The following ZNF562 variants were observed in gnomAD, a reference collection of about 807,000 sequenced individuals.
ZNF562 encodes the protein zinc finger protein 562.
In ZNF562, 13 loss-of-function variants were observed where a neutral mutation model predicts 17.5. The observed-to-expected ratio is 0.74, with a 90% CI of 0.48 to 1.18. The LOEUF (loss-of-function observed/expected upper bound fraction) is 1.18. Among genes scored for constraint, ZNF562 ranks in the 50% most tolerant of loss-of-function variants. The probability of loss-of-function intolerance (pLI) is 0.00; values close to 1 mark genes in which losing one functional copy is unlikely to be tolerated. For missense variants in ZNF562, 481 were observed against 498.5 expected (o/e 0.96, Z 0.33); for synonymous variants, 163 against 165.4 (o/e 0.99, Z 0.11).
intron 1 of ZNF562, among the ~76,000 whole-genome samples, chr19:9,667,606 C>G (rs572670796): frequency 6.6e-6 from 1 of 152,224 alleles, no homozygotes; most frequent in East Asian, 1.9e-4. Flanking sequence ...ACCTTTTTCT[C>G]CTTAGAAACA....
chr19:9,653,712 TG>T lies in ZNF562; in HGVS notation c.517del (p.Gln173LysfsTer15), dbSNP rs1318084369. 5.6e-6 allele frequency: 9 copies of T among 1,614,110 alleles called. No homozygotes were observed. Among genetic ancestry groups the T allele is most frequent in the Non-Finnish European group, 7.6e-6 (9 of 1,179,958 alleles). On this transcript the variant is annotated frameshift_variant, in exon 6 of 6. Transcript: ENST00000453372. LOFTEE classifies it low-confidence loss of function (END_TRUNC). Reference protein sequence around the residue: ...ISVHKEASIGQELSKFNPCGK... With the variant: ...ISVHKEASIGXELSKFNPCGK... The stretch of plus-strand genomic sequence containing the variant: ...ACATGGATTAAATTTGGAAAGTTCT[TG>T]TCCAATAGAGGCTTCCTTGTGCACA...
intron 5 of ZNF562, 111 bp from the exon 6 acceptor site, chr19:9,653,992 A>C: frequency 9.9e-7 from 1 of 1,007,110 alleles, no homozygotes; most frequent in Non-Finnish European, 1.3e-6. Context: ...TTAATGTTTA[A>C]TTTTTTTTTT....
chr19:9,653,673 G>A lies in ZNF562; in HGVS notation c.557C>T (p.Thr186Ile), dbSNP rs1209258497. 7.4e-6 allele frequency: 12 copies of A among 1,613,966 alleles called. No homozygotes were observed. Among genetic ancestry groups the A allele is most frequent in the African/African-American group, 1.3e-5 (1 of 74,946 alleles). The change falls in exon 6 of 6, where the codon ACC (threonine) becomes ATC (isoleucine). Residue 186 changes from threonine to isoleucine, a missense_variant. By Grantham distance (89) the Thr-to-Ile change is moderately conservative. Transcript: ENST00000453372. ...ATGCACAGCAAGGCCTGGAGTTAAGGTGAAGACTTTTCCACATGGATTAAA... is the reference window on the plus strand; with the variant it reads ...ATGCACAGCAAGGCCTGGAGTTAAGATGAAGACTTTTCCACATGGATTAAA... ...SKFNPCGKVF[T>I]LTPGLAVHLE... is the part of the protein sequence containing the mutation.
intron 2 of ZNF562, among the ~76,000 whole-genome samples, 174 bp downstream of exon 2, chr19:9,660,546 C>T (rs985592294): frequency 2.7e-5 from 4 of 150,834 alleles, no homozygotes; most frequent in African/African-American, 7.3e-5. Flanking sequence ...GTGGAGGTTG[C>T]GGTGAGCTAA....
chr19:9,655,520 G>A (rs1021001015), intron 5 of ZNF562, among the ~76,000 whole-genome samples: 10 of 151,504 alleles, frequency 6.6e-5, no homozygotes, highest in East Asian at 1.9e-4. Flanking sequence ...TCCACCTCCC[G>A]TGTTTAAGCA....
At chr19:9,661,152 CATCT>C (rs879514435) in intron 1 of ZNF562, among the ~76,000 whole-genome samples, 1 of 151,986 alleles carries the variant, frequency 6.6e-6, no homozygotes, top group East Asian at 1.9e-4. Flanking sequence ...TGTATCTATC[CATCT>C]ATCTATTTAT....
intron 1 of ZNF562, among the ~76,000 whole-genome samples, chr19:9,661,572 G>A (rs1568272019): frequency 2.0e-5 from 3 of 152,164 alleles, no homozygotes. Flanking sequence ...AAGGCAGGTG[G>A]ATCACGAGGT....
intron 2 of ZNF562, among the ~76,000 whole-genome samples, chr19:9,659,931 A>G (rs1164084711): frequency 3.2e-4 from 2 of 6,172 alleles, no homozygotes; most frequent in South Asian, 4.0e-3. Flanking sequence ...GTCTCTACTA[A>G]AAAAAAAAAA....
rs1024592011 is a variant in ZNF562, at chr19:9,651,469, C to G, written c.*1480G>C. ...CTGGGAACAGGCCCCCCAAATCTGG[C>G]CATAAACAGGCAATGAGAAACTGGC... On this transcript the variant is annotated 3_prime_UTR_variant, in exon 6 of 6. Coordinates refer to ENST00000453372, the MANE Select transcript of ZNF562 (RefSeq NM_001130031.2). 2.0e-5 allele frequency: 3 copies of G among 152,172 alleles called. No individual in the cohort carries two copies. Among genetic ancestry groups the G allele is most frequent in the Non-Finnish European group, 4.4e-5 (3 of 68,028 alleles). 9.4% of individuals were successfully genotyped at this position (152,172 alleles called of 1,614,324 possible).
At position 9,649,272 on chromosome 19, in the gene ZNF562, C is replaced by T. The variant is rs2074835812; in HGVS notation, c.*3677G>A. 6.6e-6 allele frequency: 1 copy of T among 152,118 alleles called. No homozygotes were observed. Among genetic ancestry groups the T allele is most frequent in the South Asian group, 2.1e-4 (1 of 4,826 alleles). 9.4% of individuals were successfully genotyped at this position (152,118 alleles called of 1,614,324 possible). ...GAGGAGGATGTATATTACCTCAGGA[C>T]CCTGTAATAATTGCATTAACTGCAC... is the stretch of plus-strand genomic sequence containing the variant. On this transcript the variant is annotated 3_prime_UTR_variant, in exon 6 of 6. Coordinates refer to ENST00000453372, the MANE Select transcript of ZNF562 (RefSeq NM_001130031.2).
rs1474832990 is a variant in ZNF562, at chr19:9,643,713, G to C, written c.*9236C>G. 1 of 151,900 alleles carries C rather than the reference G, an allele frequency of 6.6e-6. No homozygotes were observed. Among genetic ancestry groups the C allele is most frequent in the African/African-American group, 2.4e-5 (1 of 41,394 alleles). The allele number at this position is 151,900 out of a possible 1,614,324, so 9.4% of individuals were successfully genotyped here. ...ATGGGGGGCTTGCTATGCTGTCCAG[G>C]CAGGTCTCGAACTCCTGAGCTCAAG... On this transcript the variant is annotated 3_prime_UTR_variant, in exon 6 of 6. Transcript: ENST00000453372.
intron 5 of ZNF562, among the ~76,000 whole-genome samples, chr19:9,655,809 C>G (rs2043458072): frequency 2.2e-5 from 3 of 135,554 alleles, no homozygotes; most frequent in South Asian, 5.2e-4. Context: ...TGCTGGCTCA[C>G]TCAGCAACCT....
intron 4 of ZNF562, among the ~76,000 whole-genome samples, chr19:9,657,532 A>C (rs1016103179): frequency 6.6e-6 from 1 of 151,476 alleles, no homozygotes; most frequent in African/African-American, 2.4e-5. Context: ...CTTCTCAGGC[A>C]AAGTGGATCT....
chr19:9,661,217 A>G lies in ZNF562; in HGVS notation c.-130-343T>C, dbSNP rs73008130. On this transcript the variant is annotated intron_variant, in intron 1 of 5. Transcript: ENST00000453372. The stretch of plus-strand genomic sequence containing the variant: ...CAGGTTTAAGTACAATGACACAACA[A>G]CAGCTCTCTGTAGCCTACATTTCCC... Among the ~76,000 whole-genome samples the G allele has an allele frequency of 9.3e-3, 1,418 of 152,226 alleles. 14 individuals carry two copies. The highest frequency in any genetic ancestry group is 0.014 in the Non-Finnish European group (978 of 68,018).
At position 9,645,857 on chromosome 19, in the gene ZNF562, G is replaced by A. The variant is rs2144940098; in HGVS notation, c.*7092C>T. The A allele has an allele frequency of 6.6e-6, 1 of 152,000 alleles. No homozygotes were observed. The highest frequency in any genetic ancestry group is 2.1e-4 in the South Asian group (1 of 4,810). 9.4% of individuals were successfully genotyped at this position (152,000 alleles called of 1,614,324 possible). On this transcript the variant is annotated 3_prime_UTR_variant, in exon 6 of 6. Transcript: ENST00000453372. ...ACTTATATTTAAAATTGTTATTTAT[G>A]GTAACAACGAAAAGTAACATACAAA...
chr19:9,669,734 G>GCGCGCACACA (rs1221319747), intron 1 of ZNF562, among the ~76,000 whole-genome samples: 63 of 109,298 alleles, frequency 5.8e-4, no homozygotes, highest in East Asian at 1.5e-3. Context: ...GCGCGCGCGC[G>GCGCGCACACA]CACACACACA....
Position 9,650,811 on chromosome 19 carries a change from G to C in ZNF562, c.*2138C>G, listed in dbSNP as rs1462110483. 6.6e-6 allele frequency: 1 copy of C among 151,896 alleles called. No homozygotes were observed. Among genetic ancestry groups the C allele is most frequent in the Non-Finnish European group, 1.5e-5 (1 of 68,008 alleles). The allele number at this position is 151,896 out of a possible 1,614,324, so 9.4% of individuals were successfully genotyped here. On this transcript the variant is annotated 3_prime_UTR_variant, in exon 6 of 6. Coordinates refer to ENST00000453372, the MANE Select transcript of ZNF562 (RefSeq NM_001130031.2). ...TGTCTCTACTAAAAATACAAACTTAGCTAAGGTTTGTGGTGCATGCCAATA... is the reference window on the plus strand; with the variant it reads ...TGTCTCTACTAAAAATACAAACTTACCTAAGGTTTGTGGTGCATGCCAATA...
At chr19:9,669,733 C>A (rs892633008) in intron 1 of ZNF562, among the ~76,000 whole-genome samples, 10 of 84,748 alleles carry the variant, frequency 1.2e-4, no homozygotes, top group South Asian at 3.4e-4. Flanking sequence ...CGCGCGCGCG[C>A]GCACACACAC....
chr19:9,654,115 C>T (rs375123502), intron 5 of ZNF562, among the ~76,000 whole-genome samples: 10 of 151,868 alleles, frequency 6.6e-5, no homozygotes, highest in Admixed American at 1.3e-4. Context: ...CTCAGCCTCC[C>T]GAGTAGCTGG....
Sources: allele counts gnomAD v4.1 joint callset (sites outside exome capture counted in the v4.1 genomes callset), GRCh38; gene constraint gnomAD v4.1.1; transcripts MANE v1.5; gene names NCBI Gene and HGNC (gene_info 2026-07-23, HGNC 2026-07-21).